Variants in ISOC1 observed in about 807,000 individuals in gnomAD.
The protein encoded by ISOC1 is isochorismatase domain-containing protein 1.
ISOC1 carries 33 observed loss-of-function variants against 30.0 expected under a neutral mutation model. The ratio of observed to expected loss-of-function variants is 1.10; its 90% CI spans 0.83 to 1.47. The LOEUF (loss-of-function observed/expected upper bound fraction) is 1.47. Ranked by LOEUF, ISOC1 falls within the 40% of genes most tolerant of loss-of-function variation. The pLI, the probability that ISOC1 is intolerant of heterozygous loss-of-function variation, is 0.00. For synonymous variants in ISOC1, 178 were observed against 159.8 expected (o/e 1.11, Z -0.86); for missense variants, 372 against 388.0 (o/e 0.96, Z 0.35).
chr5:129,105,125 TC>T, intron 2 of ISOC1, 50 bp downstream of exon 2: 1 of 1,610,724 alleles, frequency 6.2e-7, no homozygotes, highest in South Asian at 1.1e-5. Flanking sequence ...TCATATACAC[TC>T]ATATATACAC....
At chr5:129,100,384 A>G (rs1753555505) in intron 1 of ISOC1, among the ~76,000 whole-genome samples, 1 of 152,104 alleles carries the variant, frequency 6.6e-6, no homozygotes, top group Non-Finnish European at 1.5e-5. Flanking sequence ...TGAGGAAGCC[A>G]TTGGCTATGA....
chr5:129,102,372 A>C (rs1375243209), intron 1 of ISOC1, among the ~76,000 whole-genome samples: 1 of 152,136 alleles, frequency 6.6e-6, no homozygotes, highest in Non-Finnish European at 1.5e-5. Flanking sequence ...TTCCCAGGGC[A>C]GTGAGGATTT....
intron 1 of ISOC1, among the ~76,000 whole-genome samples, chr5:129,101,976 A>G (rs1488789070): frequency 2.6e-5 from 4 of 152,200 alleles, no homozygotes; most frequent in African/African-American, 9.7e-5. Context: ...GAGGAAGGTC[A>G]CAAGGGTCAT....
intron 1 of ISOC1, among the ~76,000 whole-genome samples, chr5:129,096,509 C>A (rs1753503061): frequency 6.6e-6 from 1 of 152,176 alleles, no homozygotes; most frequent in African/African-American, 2.4e-5. Flanking sequence ...AGTGGAGAAC[C>A]TGGAACTGGA....
Position 129,107,013 on chromosome 5 carries a change from C to T in ISOC1, c.701C>T (p.Ala234Val). The T allele has an allele frequency of 1.2e-6, 2 of 1,613,872 alleles. No homozygotes were observed. Among genetic ancestry groups the T allele is most frequent in the Non-Finnish European group, 1.7e-6 (2 of 1,179,824 alleles). The change falls in exon 4 of 5, where the codon GCT (alanine) becomes GTT (valine). Residue 234 changes from alanine (A) to valine (V), a missense_variant. Ala to Val is a moderately conservative substitution (Grantham distance 64). Coordinates refer to ENST00000173527, the MANE Select transcript of ISOC1 (RefSeq NM_016048.2). ...VGRGVEVHIV[A>V]DATSSRSMMD... ...CGAGGAGTCGAGGTTCACATTGTTG[C>T]TGATGCCACCTCATCAAGAAGCATG...
chr5:129,096,255 C>G (rs1378496775), intron 1 of ISOC1, among the ~76,000 whole-genome samples: 7 of 152,196 alleles, frequency 4.6e-5, no homozygotes, highest in Non-Finnish European at 1.0e-4. Context: ...TTATTGTTAA[C>G]TATAGTCACG....
In ISOC1 at chr5:129,104,943, C is replaced by A. The variant is rs1561422536; in HGVS notation, c.310-13C>A. On this transcript the variant is annotated splice_polypyrimidine_tract_variant and intron_variant, in intron 1 of 4. Transcript: ENST00000173527. ...CAACAAGTGCTAAATCATTCTTTTT[C>A]TTTTTTCCTCAGCTCACTACCCTGG... The A allele has an allele frequency of 5.0e-6, 8 of 1,609,586 alleles. No homozygotes were observed. The highest frequency in any genetic ancestry group is 6.8e-6 in the Non-Finnish European group (8 of 1,178,854).
At chr5:129,104,442 C>T (rs1328101831) in intron 1 of ISOC1, among the ~76,000 whole-genome samples, 1 of 151,790 alleles carries the variant, frequency 6.6e-6, no homozygotes, top group Non-Finnish European at 1.5e-5. Flanking sequence ...AAATAACATT[C>T]AGGAAATGTG....
chr5:129,104,835 C>G (rs545626435), intron 1 of ISOC1, 121 bp from the exon 2 acceptor site: 2 of 862,332 alleles, frequency 2.3e-6, no homozygotes, highest in Non-Finnish European at 3.4e-6. Flanking sequence ...TGGATAATAG[C>G]GGTAGAAATT....
chr5:129,105,912 A>G (rs751095128), intron 3 of ISOC1, among the ~76,000 whole-genome samples: 14 of 152,218 alleles, frequency 9.2e-5, no homozygotes, highest in Admixed American at 9.2e-4. Context: ...CTTTTAAACA[A>G]CTATTAAACT....
At position 129,112,851 on chromosome 5, in the gene ISOC1, C is replaced by A; in HGVS notation, c.751-4C>A. On this transcript the variant is annotated splice_region_variant and splice_polypyrimidine_tract_variant and intron_variant, in intron 4 of 4. Transcript: ENST00000173527. ...CTTGATTTGCCTTTATCTTTTTGTT[C>A]AAGCGTCTCGCTCGAACCGGGATCA... 1 of 1,609,612 alleles carries A rather than the reference C, an allele frequency of 6.2e-7. No homozygotes were observed. The highest frequency in any genetic ancestry group is 2.2e-5 in the East Asian group (1 of 44,760).
At chr5:129,111,704 C>G (rs142022481) in intron 4 of ISOC1, among the ~76,000 whole-genome samples, 1 of 152,014 alleles carries the variant, frequency 6.6e-6, no homozygotes, top group African/African-American at 2.4e-5. Flanking sequence ...TCCTCCTTTC[C>G]TCTCTCTACC....
intron 1 of ISOC1, among the ~76,000 whole-genome samples, chr5:129,100,137 C>T (rs1010954452): frequency 1.3e-5 from 2 of 152,186 alleles, no homozygotes; most frequent in Non-Finnish European, 2.9e-5. Context: ...CCCTTCCAGA[C>T]TTTCTCCCAA....
At chr5:129,095,821 A>G (rs1194050278) in intron 1 of ISOC1, among the ~76,000 whole-genome samples, 1 of 152,162 alleles carries the variant, frequency 6.6e-6, no homozygotes, top group African/African-American at 2.4e-5. Flanking sequence ...AACAGCATTT[A>G]TTTTAAGCTG....
chr5:129,108,923 C>G (rs1254634810), intron 4 of ISOC1, among the ~76,000 whole-genome samples: 1 of 152,184 alleles, frequency 6.6e-6, no homozygotes, highest in Non-Finnish European at 1.5e-5. Context: ...CCTCAGCCAG[C>G]AGCTCTTTCA....
chr5:129,108,791 T>G (rs1340473601), intron 4 of ISOC1, among the ~76,000 whole-genome samples: 1 of 152,148 alleles, frequency 6.6e-6, no homozygotes, highest in African/African-American at 2.4e-5. Flanking sequence ...GGATTACAGG[T>G]GTGAACCACT....
intron 1 of ISOC1, among the ~76,000 whole-genome samples, chr5:129,101,469 T>C (rs1753571264): frequency 6.6e-6 from 1 of 151,982 alleles, no homozygotes; most frequent in Non-Finnish European, 1.5e-5. Context: ...CACTCCAGCC[T>C]GGGCGACAGA....
intron 3 of ISOC1, among the ~76,000 whole-genome samples, chr5:129,106,116 A>C (rs1227104405): frequency 2.0e-5 from 3 of 152,168 alleles, no homozygotes; most frequent in Non-Finnish European, 4.4e-5. Context: ...TTGTATAAAT[A>C]TGTCGTACCA....
Position 129,113,598 on chromosome 5 carries a change from T to C in ISOC1, c.*597T>C, listed in dbSNP as rs1753738566. The C allele has an allele frequency of 6.6e-6, 1 of 152,206 alleles. No individual in the cohort carries two copies. The highest frequency in any genetic ancestry group is 6.5e-5 in the Admixed American group (1 of 15,274). The allele number at this position is 152,206 out of a possible 1,614,324, so 9.4% of individuals were successfully genotyped here. On this transcript the variant is annotated 3_prime_UTR_variant, in exon 5 of 5. Transcript: ENST00000173527. ...ATCTTTCTTGACTATACTGATTTCT[T>C]ATTTTGGTCACTATTACTAAATCTC...
Sources: gnomAD v4.1 joint callset for allele counts (sites outside exome capture counted in the v4.1 genomes callset) on GRCh38, gnomAD v4.1.1 for gene constraint, MANE v1.5 for transcripts, NCBI Gene and HGNC (gene_info 2026-07-23, HGNC 2026-07-21) for gene names.